Variants in XKR4 observed in about 807,000 individuals in gnomAD.
XKR4 encodes XK-related protein 4.
In XKR4, 12 loss-of-function variants were observed where a neutral mutation model predicts 53.9. The observed-to-expected ratio is 0.22, with a 90% confidence interval of 0.14 to 0.36. The LOEUF (loss-of-function observed/expected upper bound fraction) is 0.36, where lower values mean the gene tolerates loss of function less well. XKR4 is among the 10% of genes least tolerant of loss of function. The pLI is 1.00. For missense variants in XKR4, 799 were observed against 859.5 expected (o/e 0.93, Z 0.88); for synonymous variants, 354 against 362.4 (o/e 0.98, Z 0.26).
At chr8:55,289,646 A>AAAGAAAGAAAGGAAGGAAGGAAGGAAGG (rs1221597017) in intron 1 of XKR4, among the ~76,000 whole-genome samples, 4 of 87,018 alleles carry the variant, frequency 4.6e-5, no homozygotes, top group African/African-American at 2.3e-4. Context: ...AGAAAGAAAG[A>AAAGAAAGAAAGGAAGGAAGGAAGGAAGG]AAGGAAGGAA....
At chr8:55,336,181 G>A (rs919502950) in intron 1 of XKR4, among the ~76,000 whole-genome samples, 2 of 152,102 alleles carry the variant, frequency 1.3e-5, no homozygotes, top group Non-Finnish European at 2.9e-5. Flanking sequence ...CCTGGTGAGA[G>A]GTGATTGAAT....
intron 2 of XKR4, among the ~76,000 whole-genome samples, chr8:55,511,369 G>A (rs1806623114): frequency 6.6e-6 from 1 of 152,170 alleles, no homozygotes; most frequent in Admixed American, 6.5e-5. Flanking sequence ...ATCAAAAGCA[G>A]ACAAAGGAAG....
chr8:55,458,364 A>G (rs975821902), intron 2 of XKR4, among the ~76,000 whole-genome samples: 2 of 152,192 alleles, frequency 1.3e-5, no homozygotes, highest in Admixed American at 1.3e-4. Flanking sequence ...CTGGGCAACC[A>G]GCAGGAGCAG....
At chr8:55,415,883 G>A (rs189340121) in intron 2 of XKR4, among the ~76,000 whole-genome samples, 17 of 152,270 alleles carry the variant, frequency 1.1e-4, no homozygotes, top group Admixed American at 5.2e-4. Context: ...GGTGCCTGGC[G>A]TAAAGTAGCC....
At chr8:55,306,176 G>A (rs1175412640) in intron 1 of XKR4, among the ~76,000 whole-genome samples, 2 of 152,176 alleles carry the variant, frequency 1.3e-5, no homozygotes, top group African/African-American at 2.4e-5. Flanking sequence ...CATGTGGGCC[G>A]ATAAACTGAA....
At chr8:55,404,952 G>A (rs747877033) in intron 2 of XKR4, among the ~76,000 whole-genome samples, 7 of 152,140 alleles carry the variant, frequency 4.6e-5, no homozygotes, top group Admixed American at 3.3e-4. Flanking sequence ...GCTGCGTTGC[G>A]CTGCGGCTTT....
At chr8:55,452,897 G>T in intron 2 of XKR4, 2 of 789,046 alleles carry the variant, frequency 2.5e-6, no homozygotes, top group Non-Finnish European at 2.3e-6. Flanking sequence ...TCACGCAGTT[G>T]GTATAGTGGA....
chr8:55,266,443 G>A (rs764887770), intron 1 of XKR4, among the ~76,000 whole-genome samples: 16 of 152,064 alleles, frequency 1.1e-4, no homozygotes, highest in Non-Finnish European at 1.9e-4. Flanking sequence ...TTTAATCTGC[G>A]AAGAGGGTAA....
At chr8:55,189,746 T>C (rs1563478859) in intron 1 of XKR4, among the ~76,000 whole-genome samples, 2 of 152,214 alleles carry the variant, frequency 1.3e-5, no homozygotes, top group Non-Finnish European at 2.9e-5. Context: ...TGTATTTGTA[T>C]TTGTCAGCAC....
intron 1 of XKR4, among the ~76,000 whole-genome samples, chr8:55,250,215 T>A (rs1386887734): frequency 6.6e-6 from 1 of 152,206 alleles, no homozygotes; most frequent in Non-Finnish European, 1.5e-5. Context: ...AAAGGATAGC[T>A]TTAAGTGAAT....
intron 1 of XKR4, among the ~76,000 whole-genome samples, chr8:55,328,836 C>A (rs962041579): frequency 6.6e-6 from 1 of 152,182 alleles, no homozygotes; most frequent in Non-Finnish European, 1.5e-5. Context: ...TTTACTACCC[C>A]CTCCTCAGAG....
At chr8:55,162,653 T>C (rs1288715952) in intron 1 of XKR4, among the ~76,000 whole-genome samples, 1 of 152,156 alleles carries the variant, frequency 6.6e-6, no homozygotes, top group African/African-American at 2.4e-5. Context: ...CCACTACAAT[T>C]GAAAGTCCCT....
intron 1 of XKR4, among the ~76,000 whole-genome samples, chr8:55,122,141 C>T (rs1485830544): frequency 3.3e-5 from 5 of 152,168 alleles, no homozygotes; most frequent in Non-Finnish European, 4.4e-5. Flanking sequence ...ATTTGTTTGA[C>T]TAAAGCCAAC....
chr8:55,534,912 A>T lies in XKR4; in HGVS notation c.*10685A>T, dbSNP rs950022659. 6.6e-6 allele frequency: 1 copy of T among 152,050 alleles called. No homozygotes were observed. Among genetic ancestry groups the T allele is most frequent in the African/African-American group, 2.4e-5 (1 of 41,378 alleles). 9.4% of individuals were successfully genotyped at this position (152,050 alleles called of 1,614,324 possible). A position where few individuals can be genotyped will look rare whatever the true frequency, so the allele number is the denominator to read the frequency against. ...TTCTGTCTAATCTTTTGGTATAACA[A>T]TTTTAGGAGTTCACCCTAGATGAAA... On this transcript the variant is annotated 3_prime_UTR_variant, in exon 3 of 3. Transcript: ENST00000327381.
chr8:55,128,388 AGTGCAAGCATCCCACTGAGAG>A lies in XKR4; in HGVS notation c.806+25097_806+25117del, dbSNP rs1816504750. Among the ~76,000 whole-genome samples the A allele has an allele frequency of 3.9e-5, 6 of 152,324 alleles. 1 individual carries two copies. The South Asian group carries it at 1.0e-3, about 26-fold the overall frequency. ...TAGTCTCAGCTCTCATGCACATAGAAGTGCAAGCATCCCACTGAGAGGTAACTGAAGACACTCACAGGCTGC... is the reference window on the plus strand; with the variant it reads ...TAGTCTCAGCTCTCATGCACATAGAAGTAACTGAAGACACTCACAGGCTGC... On this transcript the variant is annotated intron_variant, in intron 1 of 2. Coordinates refer to ENST00000327381, the MANE Select transcript of XKR4 (RefSeq NM_052898.2).
chr8:55,384,048 C>T (rs1563337447), intron 2 of XKR4, among the ~76,000 whole-genome samples: 1 of 152,160 alleles, frequency 6.6e-6, no homozygotes, highest in Non-Finnish European at 1.5e-5. Context: ...TAGGTATCGT[C>T]GCATCATTTT....
intron 2 of XKR4, among the ~76,000 whole-genome samples, chr8:55,383,304 T>C (rs1261470918): frequency 1.3e-5 from 2 of 152,228 alleles, no homozygotes; most frequent in Non-Finnish European, 2.9e-5. Flanking sequence ...TAGCCTTTGA[T>C]CTACCTAATT....
At chr8:55,221,726 A>G (rs968565221) in intron 1 of XKR4, among the ~76,000 whole-genome samples, 2 of 152,182 alleles carry the variant, frequency 1.3e-5, no homozygotes, top group African/African-American at 4.8e-5. Flanking sequence ...AGGGTGCTCT[A>G]GTGCCACAGT....
chr8:55,442,146 A>G (rs541206952), intron 2 of XKR4, among the ~76,000 whole-genome samples: 41 of 152,284 alleles, frequency 2.7e-4, no homozygotes, highest in African/African-American at 9.4e-4. Context: ...AAAAGAAATA[A>G]AAAGGGGCAT....
Sources: gnomAD v4.1 joint callset for allele counts (sites outside exome capture counted in the v4.1 genomes callset) on GRCh38, gnomAD v4.1.1 for gene constraint, MANE v1.5 for transcripts, NCBI Gene and HGNC (gene_info 2026-07-23, HGNC 2026-07-21) for gene names.